The following PRKG1 variants were observed in gnomAD, a reference collection of about 807,000 sequenced individuals.
PRKG1 encodes protein kinase cGMP-dependent 1.
PRKG1 carries 35 observed loss-of-function variants against 88.1 expected under a neutral mutation model. The observed-to-expected ratio is 0.40, with a 90% CI of 0.30 to 0.53. The LOEUF is 0.53. PRKG1 is among the 20% of genes least tolerant of loss of function. The pLI, the probability that PRKG1 is intolerant of heterozygous loss-of-function variation, is 0.59. For synonymous variants in PRKG1, 303 were observed against 292.5 expected, an observed-to-expected ratio of 1.04 and a Z score of -0.37; for missense variants, 540 against 839.8, an observed-to-expected ratio of 0.64 and a Z score of 4.41.
chr10:52,242,749 A>G (rs1840899973), intron 9 of PRKG1, among the ~76,000 whole-genome samples: 1 of 152,064 alleles, frequency 6.6e-6, no homozygotes, highest in African/African-American at 2.4e-5. Flanking sequence ...CACAAAAATT[A>G]GCTGGGTATG....
intron 5 of PRKG1, among the ~76,000 whole-genome samples, chr10:52,039,867 A>T (rs59201570): frequency 0.014 from 2,193 of 152,298 alleles, 65 homozygotes; most frequent in African/African-American, 0.05. Context: ...TCACCAGTGC[A>T]CTGCTTCTGA....
intron 2 of PRKG1, among the ~76,000 whole-genome samples, chr10:51,190,888 G>A (rs1837614519): frequency 6.6e-6 from 1 of 151,748 alleles, no homozygotes; most frequent in East Asian, 1.9e-4. Flanking sequence ...TGAAACAAAG[G>A]GTGTAATGTC....
chr10:52,073,140 T>A (rs913431890), intron 7 of PRKG1, among the ~76,000 whole-genome samples: 4 of 152,196 alleles, frequency 2.6e-5, no homozygotes, highest in African/African-American at 9.7e-5. Flanking sequence ...TCTGTCACTG[T>A]CTTCACATGG....
intron 2 of PRKG1, among the ~76,000 whole-genome samples, chr10:51,403,137 A>G (rs1277602829): frequency 6.6e-6 from 1 of 152,186 alleles, no homozygotes; most frequent in Non-Finnish European, 1.5e-5. Flanking sequence ...TGATAACTCA[A>G]GTAGAAAGAA....
At chr10:52,003,443 G>C (rs1397378996) in intron 5 of PRKG1, among the ~76,000 whole-genome samples, 1 of 152,120 alleles carries the variant, frequency 6.6e-6, no homozygotes, top group African/African-American at 2.4e-5. Flanking sequence ...AAGTCATGAG[G>C]GAAACAACTT....
chr10:52,098,818 T>C (rs1241709843), intron 7 of PRKG1, among the ~76,000 whole-genome samples: 1 of 152,044 alleles, frequency 6.6e-6, no homozygotes, highest in African/African-American at 2.4e-5. Context: ...AAGTGAGTGG[T>C]TATGATGAGT....
At chr10:51,294,817 TAATCCCATCACTTTAGAGGCTGAG>T (rs1449635624) in intron 2 of PRKG1, among the ~76,000 whole-genome samples, 2 of 152,280 alleles carry the variant, frequency 1.3e-5, no homozygotes, top group East Asian at 3.9e-4. Flanking sequence ...CTTACTCCAG[TAATCCCATCACTTTAGAGGCTGAG>T]ACAGGAGGAT....
chr10:51,075,999 C>T (rs1264887559), intron 1 of PRKG1, among the ~76,000 whole-genome samples: 2 of 152,168 alleles, frequency 1.3e-5, no homozygotes, highest in Non-Finnish European at 2.9e-5. Flanking sequence ...CTGGATGGCA[C>T]GTGTTACGTA....
At chr10:51,735,514 GA>G (rs1837241729) in intron 3 of PRKG1, among the ~76,000 whole-genome samples, 1 of 152,014 alleles carries the variant, frequency 6.6e-6, no homozygotes, top group Non-Finnish European at 1.5e-5. Flanking sequence ...ACCAATAATT[GA>G]GGAATCATGC....
chr10:51,653,782 G>A (rs990689931), intron 3 of PRKG1, among the ~76,000 whole-genome samples: 1 of 152,080 alleles, frequency 6.6e-6, no homozygotes, highest in Non-Finnish European at 1.5e-5. Flanking sequence ...TGGCCAGGCT[G>A]GTCTGGAACT....
At chr10:51,043,361 C>T (rs1843449780) in intron 1 of PRKG1, among the ~76,000 whole-genome samples, 1 of 152,088 alleles carries the variant, frequency 6.6e-6, no homozygotes. Flanking sequence ...TGTGCCGTGC[C>T]CCCCAAAGCA....
chr10:51,850,719 C>T (rs374164612), intron 4 of PRKG1, among the ~76,000 whole-genome samples: 79 of 152,020 alleles, frequency 5.2e-4, no homozygotes, highest in Non-Finnish European at 8.4e-4. Flanking sequence ...AGTTTTTAAA[C>T]GTATAAAAGA....
chr10:51,573,373 A>AAGT (rs150194156), intron 3 of PRKG1, among the ~76,000 whole-genome samples: 11,187 of 151,948 alleles, frequency 0.074, 1,371 homozygotes, highest in African/African-American at 0.25. Flanking sequence ...TAATCACTAA[A>AAGT]AGATTACTAT....
chr10:51,626,128 G>A (rs568991981), intron 3 of PRKG1, among the ~76,000 whole-genome samples: 2 of 152,260 alleles, frequency 1.3e-5, no homozygotes, highest in East Asian at 3.9e-4. Flanking sequence ...ACATTTTATT[G>A]GTGTATACAG....
At chr10:51,645,090 G>A (rs1267587799) in intron 3 of PRKG1, among the ~76,000 whole-genome samples, 3 of 152,134 alleles carry the variant, frequency 2.0e-5, no homozygotes, top group Non-Finnish European at 4.4e-5. Flanking sequence ...CAAAAGTGCT[G>A]GGATTACAGG....
At chr10:52,215,318 T>C (rs148761407) in intron 9 of PRKG1, among the ~76,000 whole-genome samples, 2,390 of 150,048 alleles carry the variant, frequency 0.016, 29 homozygotes, top group Non-Finnish European at 0.025. Flanking sequence ...TTCTTGAACC[T>C]GGAAGGTGGA....
At chr10:51,581,021 C>A (rs1005991962) in intron 3 of PRKG1, among the ~76,000 whole-genome samples, 1 of 151,968 alleles carries the variant, frequency 6.6e-6, no homozygotes, top group Non-Finnish European at 1.5e-5. Flanking sequence ...GGGGTCACTG[C>A]CTTCTGGTCC....
intron 1 of PRKG1, among the ~76,000 whole-genome samples, chr10:51,108,002 C>T (rs538241310): frequency 6.6e-5 from 10 of 151,998 alleles, no homozygotes; most frequent in African/African-American, 2.2e-4. Flanking sequence ...AATTTACTTA[C>T]GTGAAATGGA....
chr10:52,164,092 T>G (rs905137016), intron 9 of PRKG1, among the ~76,000 whole-genome samples: 1 of 152,322 alleles, frequency 6.6e-6, no homozygotes, highest in African/African-American at 2.4e-5. Context: ...GGCTCGTGCC[T>G]GTAATCCCAG....
Sources: allele counts gnomAD v4.1 joint callset (sites outside exome capture counted in the v4.1 genomes callset), GRCh38; gene constraint gnomAD v4.1.1; transcripts MANE v1.5; gene names NCBI Gene and HGNC (gene_info 2026-07-23, HGNC 2026-07-21).